The following MAGI1 variants were observed in gnomAD, a reference collection of about 807,000 sequenced individuals.
MAGI1 encodes membrane associated guanylate kinase, WW and PDZ domain containing 1.
MAGI1 carries 58 observed loss-of-function variants against 139.9 expected under a neutral mutation model. The observed-to-expected ratio is 0.41, with a 90% CI of 0.34 to 0.52. The LOEUF (loss-of-function observed/expected upper bound fraction) is 0.52, where lower values mean the gene tolerates loss of function less well. MAGI1 is among the 20% of genes least tolerant of loss of function. MAGI1 has a pLI of 0.12. For missense variants in MAGI1, 1,874 were observed against 1,901.6 expected (o/e 0.99, Z 0.27); for synonymous variants, 812 against 737.9 (o/e 1.10, Z -1.63).
intron 1 of MAGI1, among the ~76,000 whole-genome samples, chr3:65,909,185 T>C (rs1350106201): frequency 1.3e-5 from 2 of 152,062 alleles, no homozygotes; most frequent in Admixed American, 6.6e-5. Flanking sequence ...ACTGACACCA[T>C]CACTGAAGGG....
rs983810552 is a variant in MAGI1 at position 65,917,661 on chromosome 3, T to C, written c.313+120335A>G. On this transcript the variant is annotated intron_variant, in intron 1 of 22. Transcript: ENST00000402939. ...CACATGGAGGAAACTTACAAATGCA[T>C]AGTGCTAAGTGAAAGAAGCCAATGT... is the stretch of plus-strand genomic sequence containing the variant. Among the ~76,000 whole-genome samples, 18 of 152,244 alleles carry C rather than the reference T, an allele frequency of 1.2e-4. 1 individual carries two copies. The highest frequency in any genetic ancestry group is 9.8e-4 in the Admixed American group (15 of 15,286).
Position 65,385,453 on chromosome 3 carries a change from G to A in MAGI1, c.2417-1830C>T, listed in dbSNP as rs192914987. 4.6e-3 allele frequency among the ~76,000 whole-genome samples: 703 copies of A among 152,232 alleles called. 2 individuals are homozygous for A. Among genetic ancestry groups the A allele is most frequent in the African/African-American group, 9.2e-3 (381 of 41,536 alleles). ...ACTGGATTTGGGGCTGAAGGAAAGC[G>A]CAGGCCTGAGAATTTAATTCTTTTC... On this transcript the variant is annotated intron_variant, in intron 14 of 22. Transcript: ENST00000402939.
intron 14 of MAGI1, among the ~76,000 whole-genome samples, chr3:65,387,655 A>G (rs949759626): frequency 6.6e-6 from 1 of 152,222 alleles, no homozygotes; most frequent in Admixed American, 6.5e-5. Flanking sequence ...TCTTGTACTA[A>G]TATCTGTTCA....
At chr3:65,602,887 A>G (rs1236888923) in intron 2 of MAGI1, among the ~76,000 whole-genome samples, 1 of 152,054 alleles carries the variant, frequency 6.6e-6, no homozygotes, top group Non-Finnish European at 1.5e-5. Context: ...TATATGATCA[A>G]CCTTAGGAGC....
intron 1 of MAGI1, among the ~76,000 whole-genome samples, chr3:65,791,095 T>C (rs769846931): frequency 6.6e-6 from 1 of 151,998 alleles, no homozygotes; most frequent in Non-Finnish European, 1.5e-5. Context: ...AAAATAAAAA[T>C]AAAGAATGTG....
At position 65,428,481 on chromosome 3, in the gene MAGI1, G is replaced by T. The variant is rs554832477; in HGVS notation, c.2167+1039C>A. 1.1e-4 allele frequency among the ~76,000 whole-genome samples: 16 copies of T among 152,272 alleles called. No individual in the cohort carries two copies. In the South Asian group the frequency reaches 3.1e-3, roughly 30 times the overall value. On this transcript the variant is annotated intron_variant, in intron 12 of 22. Transcript: ENST00000402939. The stretch of plus-strand genomic sequence containing the variant: ...ATGCCTCGAGATTTAGAATAACCCA[G>T]ATCTCTGAGATCCTAAACTACTAAA...
chr3:65,380,433 C>A (rs1348681270), intron 16 of MAGI1, among the ~76,000 whole-genome samples: 1 of 152,110 alleles, frequency 6.6e-6, no homozygotes, highest in Non-Finnish European at 1.5e-5. Context: ...TTTTGTGCAA[C>A]CATCATCATC....
chr3:65,622,961 A>C (rs1170618278), intron 1 of MAGI1, among the ~76,000 whole-genome samples: 1 of 152,178 alleles, frequency 6.6e-6, no homozygotes, highest in Non-Finnish European at 1.5e-5. Flanking sequence ...TCCATATAAC[A>C]ACTACTTTGC....
At position 65,379,404 on chromosome 3, in the gene MAGI1, ATGCCGCTGGTGC is replaced by A. The variant is rs775480060; in HGVS notation, c.2840_2851del (p.Ser947_Gly950del). The A allele has an allele frequency of 3.1e-6, 5 of 1,613,150 alleles. No individual in the cohort carries two copies. Among genetic ancestry groups the A allele is most frequent in the South Asian group, 2.2e-5 (2 of 91,060 alleles). On this transcript the variant is annotated inframe_deletion, in exon 17 of 23. Coordinates refer to ENST00000402939, the MANE Select transcript of MAGI1 (RefSeq NM_001033057.2). ...GCTGCCCCCGCCGCCGCCACTGCCGATGCCGCTGGTGCTGCCGCTGCCCGAGCTCACCGTGTT... is the reference window on the plus strand; with the variant it reads ...GCTGCCCCCGCCGCCGCCACTGCCGATGCCGCTGCCCGAGCTCACCGTGTT...
At chr3:65,845,347 G>A (rs1009348189) in intron 1 of MAGI1, among the ~76,000 whole-genome samples, 1 of 152,138 alleles carries the variant, frequency 6.6e-6, no homozygotes, top group Middle Eastern at 3.4e-3. Context: ...TGGGCCCCTG[G>A]AGTAACGCTG....
chr3:65,595,758 A>C (rs895387591), intron 2 of MAGI1, among the ~76,000 whole-genome samples: 5 of 145,638 alleles, frequency 3.4e-5, no homozygotes, highest in African/African-American at 1.0e-4. Context: ...CAGCCTAAGA[A>C]AGAAACTACA....
Position 66,038,459 on chromosome 3 carries a change from A to G in MAGI1, c.-151T>C, listed in dbSNP as rs990041295. On this transcript the variant is annotated 5_prime_UTR_variant, in exon 1 of 23. Coordinates refer to ENST00000402939, the MANE Select transcript of MAGI1 (RefSeq NM_001033057.2). The stretch of plus-strand genomic sequence containing the variant: ...AAACTTGGCAGCCTCGCTCCCCTGC[A>G]CACGCTCGCGCACTCAAGCCATCAT... The G allele has an allele frequency of 1.8e-6, 2 of 1,098,748 alleles. No individual in the cohort carries two copies. The highest frequency in any genetic ancestry group is 3.2e-5 in the African/African-American group (2 of 62,800). 68.1% of individuals were successfully genotyped at this position (1,098,748 alleles called of 1,614,324 possible). A position where few individuals can be genotyped will look rare whatever the true frequency, so the allele number is the denominator to read the frequency against.
At chr3:65,613,371 T>C (rs958198701) in intron 2 of MAGI1, among the ~76,000 whole-genome samples, 2 of 152,178 alleles carry the variant, frequency 1.3e-5, no homozygotes, top group African/African-American at 4.8e-5. Flanking sequence ...TGAGGTCTGA[T>C]CTAACATGTT....
chr3:65,846,173 G>A (rs1174343726), intron 1 of MAGI1, among the ~76,000 whole-genome samples: 1 of 152,146 alleles, frequency 6.6e-6, no homozygotes, highest in Non-Finnish European at 1.5e-5. Context: ...GCAGCCACCA[G>A]CCCCTCCAAC....
At chr3:65,374,416 C>G (rs1942303580) in intron 18 of MAGI1, among the ~76,000 whole-genome samples, 1 of 148,444 alleles carries the variant, frequency 6.7e-6, no homozygotes, top group Admixed American at 6.9e-5. Flanking sequence ...CTCCCAGGCT[C>G]AAGCGATTCT....
At chr3:65,861,918 C>T (rs34224937) in intron 1 of MAGI1, among the ~76,000 whole-genome samples, 1 of 152,130 alleles carries the variant, frequency 6.6e-6, no homozygotes, top group Non-Finnish European at 1.5e-5. Flanking sequence ...AATCACGTCA[C>T]GCATCATAAG....
chr3:65,887,691 C>CA (rs1489838931), intron 1 of MAGI1, among the ~76,000 whole-genome samples: 3 of 152,112 alleles, frequency 2.0e-5, no homozygotes, highest in African/African-American at 7.2e-5. Flanking sequence ...AATCATAGGA[C>CA]ACCACTATTA....
intron 1 of MAGI1, among the ~76,000 whole-genome samples, chr3:65,761,887 G>C (rs1010004998): frequency 1.3e-5 from 2 of 152,152 alleles, no homozygotes; most frequent in African/African-American, 4.8e-5. Context: ...GGTACTGTGA[G>C]AAATGAAAAA....
At chr3:65,986,202 T>C (rs866574633) in intron 1 of MAGI1, among the ~76,000 whole-genome samples, 10 of 152,204 alleles carry the variant, frequency 6.6e-5, no homozygotes, top group African/African-American at 1.9e-4. Flanking sequence ...ATGAAACTTA[T>C]ATACCATCCT....
Sources: allele counts gnomAD v4.1 joint callset (sites outside exome capture counted in the v4.1 genomes callset), GRCh38; gene constraint gnomAD v4.1.1; transcripts MANE v1.5; gene names NCBI Gene and HGNC (gene_info 2026-07-23, HGNC 2026-07-21).